The following MORF4L1 variants were observed in gnomAD, a reference collection of about 807,000 sequenced individuals.
MORF4L1 encodes the protein mortality factor 4-like protein 1.
A neutral mutation model predicts 52.9 loss-of-function variants in MORF4L1; 4 were observed. The ratio of observed to expected loss-of-function variants is 0.08; its 90% CI spans 0.04 to 0.17. The LOEUF (loss-of-function observed/expected upper bound fraction) is 0.17. Ranked by LOEUF, MORF4L1 falls within the 10% of genes least tolerant of loss-of-function variation. The pLI is 1.00. For synonymous variants in MORF4L1, 123 were observed against 134.8 expected (o/e 0.91, Z 0.61); for missense variants, 214 against 390.4 (o/e 0.55, Z 3.81).
At chr15:78,884,001 C>G (rs2056648843) in intron 3 of MORF4L1, among the ~76,000 whole-genome samples, 1 of 151,376 alleles carries the variant, frequency 6.6e-6, no homozygotes, top group Non-Finnish European at 1.5e-5. Context: ...GTCAGGAGTT[C>G]TAGACCAGCC....
chr15:78,879,851 A>G lies in MORF4L1; in HGVS notation c.88-661A>G, dbSNP rs80131927. The stretch of plus-strand genomic sequence containing the variant: ...GTTATTGTTGTATCAACGTTTGGCA[A>G]ACTCTACTAAACTGGCTGATTTTTC... On this transcript the variant is annotated intron_variant, in intron 2 of 11. Transcript: ENST00000426013. Among the ~76,000 whole-genome samples the G allele has an allele frequency of 9.2e-3, 1,393 of 152,212 alleles. 26 individuals carry two copies. Among genetic ancestry groups the G allele is most frequent in the African/African-American group, 0.031 (1,306 of 41,520 alleles).
chr15:78,891,326 A>T (rs2056798112), intron 6 of MORF4L1, 158 bp from the exon 7 acceptor site: 23 of 670,212 alleles, frequency 3.4e-5, no homozygotes, highest in South Asian at 3.3e-4. Flanking sequence ...TCTTCATGAA[A>T]GTTGTATTTT....
rs2056393112 is a variant in MORF4L1 at position 78,872,925 on chromosome 15, A to G, written c.-93A>G. 1 of 1,497,136 alleles carries G rather than the reference A, an allele frequency of 6.7e-7. No homozygotes were observed. Among genetic ancestry groups the G allele is most frequent in the Non-Finnish European group, 8.9e-7 (1 of 1,123,116 alleles). 92.7% of individuals were successfully genotyped at this position (1,497,136 alleles called of 1,614,324 possible). A position where few individuals can be genotyped will look rare whatever the true frequency, so the allele number is the denominator to read the frequency against. On this transcript the variant is annotated 5_prime_UTR_variant, in exon 1 of 12. Coordinates refer to ENST00000426013, the MANE Select transcript of MORF4L1 (RefSeq NM_006791.4). ...CAGGATGTAGAGCTGGCAGTGCCTG[A>G]CGGCGCGTCTGACGCGGAGTTGGGT...
chr15:78,885,165 AAG>A (rs1267267102), intron 3 of MORF4L1: 1 of 1,132,666 alleles, frequency 8.8e-7, no homozygotes, highest in African/African-American at 1.6e-5. Flanking sequence ...TGTATTATAT[AAG>A]AGGTCAGAGG....
chr15:78,873,304 A>G (rs760970176), intron 1 of MORF4L1: 8 of 1,241,866 alleles, frequency 6.4e-6, no homozygotes, highest in Non-Finnish European at 8.6e-6. Flanking sequence ...CGCGTGGCAC[A>G]CCCTCGTCAA....
Position 78,872,908 on chromosome 15 carries a change from A to T in MORF4L1, c.-110A>T, listed in dbSNP as rs1057485655. 115 of 1,477,466 alleles carry T rather than the reference A, an allele frequency of 7.8e-5. No homozygotes were observed. The highest frequency in any genetic ancestry group is 2.2e-4 in the Admixed American group (8 of 36,324). The allele number at this position is 1,477,466 out of a possible 1,614,324, so 91.5% of individuals were successfully genotyped here. A position where few individuals can be genotyped will look rare whatever the true frequency, so the allele number is the denominator to read the frequency against. ...CGCTGGCAAATCCGGCCCAGGATGT[A>T]GAGCTGGCAGTGCCTGACGGCGCGT... On this transcript the variant is annotated 5_prime_UTR_variant, in exon 1 of 12. The change abolishes the stop of an existing upstream ORF in the 5' untranslated region. Coordinates refer to ENST00000426013, the MANE Select transcript of MORF4L1 (RefSeq NM_006791.4).
chr15:78,886,049 T>A (rs1267199793), intron 3 of MORF4L1, 92 bp from the exon 4 acceptor site: 1 of 888,604 alleles, frequency 1.1e-6, no homozygotes, highest in Non-Finnish European at 1.9e-6. Context: ...ATCAAATTAC[T>A]TAAGAGAAAT....
chr15:78,880,622 A>G (rs749408848), intron 3 of MORF4L1, 43 bp downstream of exon 3: 42 of 1,413,362 alleles, frequency 3.0e-5, no homozygotes, highest in Middle Eastern at 1.8e-4. Context: ...TTAACAAGAT[A>G]GCTTGTGTCA....
rs1053334822 is a variant in MORF4L1, at chr15:78,897,228, C to T, written c.*161C>T. On this transcript the variant is annotated 3_prime_UTR_variant, in exon 12 of 12. Transcript: ENST00000426013. ...GAGAAAAAATAAAAGGGGGTAATAG[C>T]TCCTTTTTTCTTCTTTCTTTTTTTT... is the stretch of plus-strand genomic sequence containing the variant. 5 of 523,180 alleles carry T rather than the reference C, an allele frequency of 9.6e-6. No homozygotes were observed. Among genetic ancestry groups the T allele is most frequent in the Non-Finnish European group, 1.7e-5 (5 of 293,238 alleles). The allele number at this position is 523,180 out of a possible 1,614,324, so 32.4% of individuals were successfully genotyped here.
At chr15:78,892,437 T>C in intron 8 of MORF4L1, 124 bp downstream of exon 8, 1 of 579,456 alleles carries the variant, frequency 1.7e-6, no homozygotes. Flanking sequence ...AATAATATTT[T>C]AATTTAGAGG....
intron 1 of MORF4L1, chr15:78,876,664 C>A: frequency 2.2e-6 from 1 of 445,672 alleles, no homozygotes; most frequent in Non-Finnish European, 4.5e-6. Context: ...TGATCTTGTT[C>A]GCTGTTTATT....
intron 11 of MORF4L1, among the ~76,000 whole-genome samples, chr15:78,896,319 T>C (rs1251001000): frequency 7.7e-5 from 11 of 142,928 alleles, no homozygotes; most frequent in African/African-American, 2.9e-4. Flanking sequence ...TTTTTTTTTT[T>C]TTTTTTTTTT....
chr15:78,886,048 C>G, intron 3 of MORF4L1, 93 bp from the exon 4 acceptor site: 2 of 881,414 alleles, frequency 2.3e-6, no homozygotes, highest in Admixed American at 1.9e-5. Flanking sequence ...CATCAAATTA[C>G]TTAAGAGAAA....
intron 1 of MORF4L1, chr15:78,876,734 T>C (rs2056499859): frequency 2.9e-6 from 1 of 340,768 alleles, no homozygotes; most frequent in Non-Finnish European, 5.9e-6. Context: ...GTCTTTGATC[T>C]TCCCGTTTTC....
chr15:78,886,025 T>G lies in MORF4L1; in HGVS notation c.156-116T>G, dbSNP rs557150601. 1.5e-5 allele frequency: 11 copies of G among 718,866 alleles called. No individual in the cohort carries two copies. The East Asian group carries it at 2.9e-4, about 19-fold the overall frequency. The allele number at this position is 718,866 out of a possible 1,614,324, so 44.5% of individuals were successfully genotyped here. A position where few individuals can be genotyped will look rare whatever the true frequency, so the allele number is the denominator to read the frequency against. On this transcript the variant is annotated intron_variant, in intron 3 of 11. Transcript: ENST00000426013. ...TCTTCATTTTAGTTGAGAATATATT[T>G]GTAGTGCCAGTTCATCAAATTACTT...
At chr15:78,880,649 G>A (rs2056584742) in intron 3 of MORF4L1, 70 bp downstream of exon 3, 1 of 1,177,408 alleles carries the variant, frequency 8.5e-7, no homozygotes, top group Admixed American at 2.3e-5. Context: ...GGCTTAGCAA[G>A]CATATGCTTT....
At chr15:78,892,740 T>G (rs1293966535) in intron 8 of MORF4L1, 1 of 154,286 alleles carries the variant, frequency 6.5e-6, no homozygotes, top group African/African-American at 2.4e-5. Flanking sequence ...AAATAGGATG[T>G]TTAATGGAGT....
intron 3 of MORF4L1, among the ~76,000 whole-genome samples, chr15:78,881,189 C>CTTTTTTTTTTTTTTTTTTTTT (rs570514618): frequency 1.5e-5 from 1 of 67,178 alleles, no homozygotes; most frequent in Non-Finnish European, 2.6e-5. Flanking sequence ...AGAGTTAAGC[C>CTTTTTTTTTTTTTTTTTTTTT]TTTTTTTTTT....
At chr15:78,880,376 C>T (rs1349028199) in intron 2 of MORF4L1, 136 bp from the exon 3 acceptor site, 1 of 640,108 alleles carries the variant, frequency 1.6e-6, no homozygotes, top group Admixed American at 3.5e-5. Flanking sequence ...CTTGAGTATT[C>T]TACAAGCTTA....
Sources: gnomAD v4.1 joint callset for allele counts (sites outside exome capture counted in the v4.1 genomes callset) on GRCh38, gnomAD v4.1.1 for gene constraint, MANE v1.5 for transcripts, NCBI Gene and HGNC (gene_info 2026-07-23, HGNC 2026-07-21) for gene names.